CACNA2D3: variants seen among roughly 807,000 people sequenced by gnomAD.
CACNA2D3 encodes voltage-dependent calcium channel subunit alpha-2/delta-3.
CACNA2D3 carries 60 observed loss-of-function variants against 160.6 expected under a neutral mutation model. The observed-to-expected ratio is 0.37, with a 90% CI of 0.30 to 0.46. The LOEUF (loss-of-function observed/expected upper bound fraction) is 0.46. Ranked by LOEUF, CACNA2D3 falls within the 20% of genes least tolerant of loss-of-function variation. CACNA2D3 has a pLI of 1.00. For missense variants in CACNA2D3, 1,205 were observed against 1,365.0 expected, an observed-to-expected ratio of 0.88 and a Z score of 1.85; for synonymous variants, 558 against 492.9, an observed-to-expected ratio of 1.13 and a Z score of -1.75.
intron 29 of CACNA2D3, among the ~76,000 whole-genome samples, chr3:54,982,087 G>A (rs992736328): frequency 2.6e-5 from 4 of 151,976 alleles, no homozygotes; most frequent in African/African-American, 9.7e-5. Context: ...TCCCTTTTTC[G>A]GGGGAGGAAA....
At chr3:54,664,729 T>C (rs1559543251) in intron 11 of CACNA2D3, among the ~76,000 whole-genome samples, 1 of 152,156 alleles carries the variant, frequency 6.6e-6, no homozygotes, top group Non-Finnish European at 1.5e-5. Flanking sequence ...AGACCTCCTG[T>C]AGATGGGAAA....
intron 2 of CACNA2D3, among the ~76,000 whole-genome samples, chr3:54,167,901 G>T (rs1057186259): frequency 6.6e-6 from 1 of 152,170 alleles, no homozygotes; most frequent in Non-Finnish European, 1.5e-5. Flanking sequence ...AAGGGTGAGC[G>T]CAGTATTTAC....
Position 54,502,704 on chromosome 3 carries a change from A to C in CACNA2D3, c.382-788A>C, listed in dbSNP as rs6770061. On this transcript the variant is annotated intron_variant, in intron 4 of 37. Transcript: ENST00000474759. ...CCTTATCAGCTGTGTAATTTTTTGC[A>C]GGATGCATACATTCTCTATTCCTAA... 3.6e-3 allele frequency among the ~76,000 whole-genome samples: 547 copies of C among 152,338 alleles called. 7 individuals are homozygous for C. Among genetic ancestry groups the C allele is most frequent in the African/African-American group, 0.012 (516 of 41,572 alleles).
intron 4 of CACNA2D3, among the ~76,000 whole-genome samples, chr3:54,465,673 C>G (rs1700610307): frequency 6.6e-6 from 1 of 152,170 alleles, no homozygotes; most frequent in Non-Finnish European, 1.5e-5. Flanking sequence ...CAGGTTGGTG[C>G]AAAAGTAATT....
intron 4 of CACNA2D3, among the ~76,000 whole-genome samples, chr3:54,416,578 C>T (rs1699757506): frequency 1.3e-5 from 2 of 152,088 alleles, no homozygotes; most frequent in African/African-American, 4.8e-5. Context: ...AGAAAAAAAG[C>T]TGATTCTTTC....
rs191256984 is a variant in CACNA2D3, at chr3:54,862,326, G to C, written c.1627-9213G>C. 4.0e-5 allele frequency among the ~76,000 whole-genome samples: 6 copies of C among 151,546 alleles called. No individual in the cohort carries two copies. In the East Asian group the frequency reaches 1.2e-3, roughly 30 times the overall value. ...AAGTATCTTCAACAATTTTTAGCAG[G>C]AAAAGCAAAACAAAATAAAGCTATT... On this transcript the variant is annotated intron_variant, in intron 17 of 37. Coordinates refer to ENST00000474759, the MANE Select transcript of CACNA2D3 (RefSeq NM_018398.3).
At chr3:54,552,266 G>A (rs567004586) in intron 5 of CACNA2D3, among the ~76,000 whole-genome samples, 11 of 152,196 alleles carry the variant, frequency 7.2e-5, no homozygotes, top group East Asian at 3.9e-4. Flanking sequence ...TTTAATGTAC[G>A]CGTATATCCT....
At chr3:54,474,725 G>T (rs576994201) in intron 4 of CACNA2D3, among the ~76,000 whole-genome samples, 1 of 152,034 alleles carries the variant, frequency 6.6e-6, no homozygotes, top group Non-Finnish European at 1.5e-5. Context: ...AGAAGAAGGA[G>T]GCTGGTCTAG....
At chr3:54,210,087 G>A (rs1701345746) in intron 2 of CACNA2D3, among the ~76,000 whole-genome samples, 1 of 152,136 alleles carries the variant, frequency 6.6e-6, no homozygotes, top group Non-Finnish European at 1.5e-5. Context: ...AAGGCAACAA[G>A]CATGATAAAT....
intron 27 of CACNA2D3, among the ~76,000 whole-genome samples, chr3:54,935,153 G>A (rs1195438508): frequency 1.3e-5 from 2 of 152,150 alleles, no homozygotes; most frequent in African/African-American, 4.8e-5. Context: ...TAACTCTCAG[G>A]GAACCAGTTC....
At position 54,479,391 on chromosome 3, in the gene CACNA2D3, CTGGGAGTCT is replaced by C. The variant is rs574359215; in HGVS notation, c.382-24095_382-24087del. ...TACTGTTCATGATTTCAGACATTGACTGGGAGTCTTGGGACATATCCCCTGAGAATGATG... is the reference window on the plus strand; with the variant it reads ...TACTGTTCATGATTTCAGACATTGACTGGGACATATCCCCTGAGAATGATG... On this transcript the variant is annotated intron_variant, in intron 4 of 37. Coordinates refer to ENST00000474759, the MANE Select transcript of CACNA2D3 (RefSeq NM_018398.3). 2.3e-4 allele frequency among the ~76,000 whole-genome samples: 35 copies of C among 152,308 alleles called. No individual in the cohort carries two copies. The South Asian group carries it at 6.8e-3, about 30-fold the overall frequency.
chr3:55,033,842 T>A (rs1366471850), intron 35 of CACNA2D3, among the ~76,000 whole-genome samples: 1 of 111,828 alleles, frequency 8.9e-6, no homozygotes, highest in African/African-American at 4.0e-5. Context: ...ATATAATATA[T>A]ATTACATATT....
At chr3:54,573,613 A>G (rs114996377) in intron 8 of CACNA2D3, among the ~76,000 whole-genome samples, 122 of 152,342 alleles carry the variant, frequency 8.0e-4, no homozygotes, top group Non-Finnish European at 1.5e-3. Flanking sequence ...TGGAATGCAT[A>G]TATTTTTGCA....
intron 18 of CACNA2D3, among the ~76,000 whole-genome samples, chr3:54,872,356 C>T (rs1488185254): frequency 1.3e-5 from 2 of 152,090 alleles, no homozygotes; most frequent in Admixed American, 6.5e-5. Flanking sequence ...TCATAACTTC[C>T]CAGGTGTTTC....
At chr3:54,516,211 A>C (rs1701548357) in intron 5 of CACNA2D3, among the ~76,000 whole-genome samples, 1 of 152,148 alleles carries the variant, frequency 6.6e-6, no homozygotes. Context: ...CCTTAAGATG[A>C]CATTTGAAAG....
In CACNA2D3 at chr3:55,074,351, G is replaced by A. The variant is rs1559480696; in HGVS notation, c.*145G>A. The A allele has an allele frequency of 1.2e-5, 8 of 673,732 alleles. No individual in the cohort carries two copies. The highest frequency in any genetic ancestry group is 5.3e-5 in the East Asian group (2 of 38,078). 41.7% of individuals were successfully genotyped at this position (673,732 alleles called of 1,614,324 possible). ...ATCTCATCATGATTTTAAACTGTGC[G>A]TGATATAAACTCTTAAAGATATGTT... is the stretch of plus-strand genomic sequence containing the variant. On this transcript the variant is annotated 3_prime_UTR_variant, in exon 38 of 38. Transcript: ENST00000474759.
At chr3:54,181,551 T>G (rs946320258) in intron 2 of CACNA2D3, among the ~76,000 whole-genome samples, 14 of 152,304 alleles carry the variant, frequency 9.2e-5, no homozygotes, top group African/African-American at 3.4e-4. Context: ...TGCCCTAACA[T>G]AGACCTCCAT....
chr3:54,806,469 T>G (rs566874345), intron 13 of CACNA2D3, among the ~76,000 whole-genome samples: 52 of 152,124 alleles, frequency 3.4e-4, no homozygotes, highest in African/African-American at 9.4e-4. Flanking sequence ...TCAAAGAGAA[T>G]AAAATACCTA....
intron 27 of CACNA2D3, chr3:54,918,321 C>CTTTTTTTTT (rs60257399): frequency 5.6e-5 from 22 of 394,432 alleles, no homozygotes; most frequent in African/African-American, 2.6e-4. Context: ...ACAGACACAT[C>CTTTTTTTTT]TTTTTTTTTT....
Sources: gnomAD v4.1 joint callset for allele counts (sites outside exome capture counted in the v4.1 genomes callset) on GRCh38, gnomAD v4.1.1 for gene constraint, MANE v1.5 for transcripts, NCBI Gene and HGNC (gene_info 2026-07-23, HGNC 2026-07-21) for gene names.